Variants in CFAP46 observed in about 807,000 individuals in gnomAD.
The protein encoded by CFAP46 is cilia- and flagella-associated protein 46.
Under a neutral mutation model 325.7 loss-of-function variants are expected in CFAP46, and 245 were observed. The ratio of observed to expected loss-of-function variants is 0.75; its 90% CI spans 0.68 to 0.84. CFAP46 has a LOEUF of 0.84. Ranked by LOEUF, CFAP46 falls within the 40% of genes least tolerant of loss-of-function variation. The pLI, the probability that CFAP46 is intolerant of heterozygous loss-of-function variation, is 0.00. For synonymous variants in CFAP46, 1,523 were observed against 1,495.9 expected, an observed-to-expected ratio of 1.02 and a Z score of -0.42; for missense variants, 3,346 against 3,543.0, an observed-to-expected ratio of 0.94 and a Z score of 1.41.
At chr10:132,833,214 T>G (rs957795972) in intron 50 of CFAP46, 144 bp downstream of exon 50, 1 of 839,358 alleles carries the variant, frequency 1.2e-6, no homozygotes, top group Non-Finnish European at 1.8e-6. Context: ...CCTACAAATA[T>G]CTTTGAATGA....
chr10:132,935,243 C>A (rs1849974142), intron 7 of CFAP46, among the ~76,000 whole-genome samples: 1 of 152,048 alleles, frequency 6.6e-6, no homozygotes, highest in Non-Finnish European at 1.5e-5. Flanking sequence ...CCTCAGATCT[C>A]CTCACTCCCC....
intron 38 of CFAP46, 28 bp from the exon 39 acceptor site, chr10:132,857,816 A>T (rs1229096180): frequency 6.8e-7 from 1 of 1,461,156 alleles, no homozygotes; most frequent in Non-Finnish European, 9.1e-7. Flanking sequence ...ATGGAATTTT[A>T]AAACATTATG....
chr10:132,880,217 C>A (rs61514134), intron 28 of CFAP46, among the ~76,000 whole-genome samples: 3 of 152,222 alleles, frequency 2.0e-5, no homozygotes, highest in Non-Finnish European at 4.4e-5. Context: ...ACTCTCCGTG[C>A]GCACCTGCGC....
chr10:132,885,103 C>A lies in CFAP46; in HGVS notation c.3627G>T (p.Gln1209His). 1 of 1,543,870 alleles carries A rather than the reference C, an allele frequency of 6.5e-7. No homozygotes were observed. The highest frequency in any genetic ancestry group is 2.5e-5 in the East Asian group (1 of 40,744). Residue 1209 changes from glutamine to histidine, a missense_variant and splice_region_variant, in exon 27 of 58, where the codon CAG (glutamine) becomes CAT (histidine). Coordinates refer to ENST00000368586, the MANE Select transcript of CFAP46 (RefSeq NM_001200049.3). The part of the protein sequence containing the change: ...ACYNNAIQAL[Q>H]KPEMEWQKVE... Reference sequence around the variant, plus strand: ...TGCACCCACGCTTACGGCTTCACACCTGCAAGGCCTGGATGGCGTTGTTGT... The same window carrying A: ...TGCACCCACGCTTACGGCTTCACACATGCAAGGCCTGGATGGCGTTGTTGT...
intron 8 of CFAP46, among the ~76,000 whole-genome samples, chr10:132,933,664 G>A (rs570271829): frequency 5.3e-5 from 8 of 152,344 alleles, no homozygotes; most frequent in Non-Finnish European, 8.8e-5. Context: ...CCCCTCCCTC[G>A]AGGAGCCTGC....
At chr10:132,812,753 G>A (rs753342149) in intron 55 of CFAP46, 32 bp downstream of exon 55, 53 of 1,535,740 alleles carry the variant, frequency 3.5e-5, no homozygotes, top group Non-Finnish European at 4.4e-5. Context: ...CTGTGCCCGC[G>A]GGGGAGGGGG....
At chr10:132,859,766 C>T (rs951785594) in intron 37 of CFAP46, among the ~76,000 whole-genome samples, 4 of 152,204 alleles carry the variant, frequency 2.6e-5, no homozygotes, top group African/African-American at 9.6e-5. Flanking sequence ...GGCAGAAATC[C>T]GTGTTGCTGG....
rs1207999965 is a variant in CFAP46, at chr10:132,860,954, T to C, written c.4919A>G (p.Gln1640Arg). 10 of 1,550,674 alleles carry C rather than the reference T, an allele frequency of 6.4e-6. No individual in the cohort carries two copies. Among genetic ancestry groups the C allele is most frequent in the Admixed American group, 2.0e-5 (1 of 51,016 alleles). ...CAACTGTGCGAGGAGGAGCAGGCAC[T>C]GGGCCTCTGCACAAGGCTCATCCAG... The part of the protein sequence containing the change: ...QELDEPCAEA[Q>R]CLLLLAQLAN... Residue 1640 changes from glutamine to arginine, a missense_variant, in exon 36 of 58, where the codon CAG becomes CGG. Coordinates refer to ENST00000368586, the MANE Select transcript of CFAP46 (RefSeq NM_001200049.3).
Position 132,814,377 on chromosome 10 carries a change from C to T in CFAP46, c.7286-123G>A, listed in dbSNP as rs999686970. The T allele has an allele frequency of 9.4e-6, 10 of 1,059,802 alleles. No homozygotes were observed. The Admixed American group carries it at 1.5e-4, about 16-fold the overall frequency. The allele number at this position is 1,059,802 out of a possible 1,614,324, so 65.6% of individuals were successfully genotyped here. A position where few individuals can be genotyped will look rare whatever the true frequency, so the allele number is the denominator to read the frequency against. ...GCATATATCAGTGCCCTGCCATGCC[C>T]GGGTGGGGTGATGGTAGAACCAGGC... On this transcript the variant is annotated intron_variant, in intron 53 of 57. Coordinates refer to ENST00000368586, the MANE Select transcript of CFAP46 (RefSeq NM_001200049.3).
chr10:132,844,265 C>T (rs1390274917), intron 44 of CFAP46, among the ~76,000 whole-genome samples: 1 of 152,126 alleles, frequency 6.6e-6, no homozygotes, highest in Non-Finnish European at 1.5e-5. Context: ...CCTCTCCTGT[C>T]CTGGCTGCAG....
intron 22 of CFAP46, among the ~76,000 whole-genome samples, chr10:132,906,276 C>T (rs1310621761): frequency 6.6e-6 from 1 of 152,246 alleles, no homozygotes; most frequent in Non-Finnish European, 1.5e-5. Context: ...CCTGAGCACT[C>T]GCAGTCTCAC....
At chr10:132,845,312 G>A (rs772516686) in intron 44 of CFAP46, among the ~76,000 whole-genome samples, 7 of 152,212 alleles carry the variant, frequency 4.6e-5, no homozygotes, top group Non-Finnish European at 8.8e-5. Flanking sequence ...GTTCTCAGCC[G>A]GGGCCATGTT....
chr10:132,922,042 C>A, intron 13 of CFAP46, 62 bp downstream of exon 13: 1 of 1,510,606 alleles, frequency 6.6e-7, no homozygotes. Flanking sequence ...GGCCCCGGGG[C>A]AGCCTGGGAG....
chr10:132,846,590 G>A (rs112207320), intron 43 of CFAP46, among the ~76,000 whole-genome samples: 10,227 of 151,474 alleles, frequency 0.068, 803 homozygotes, highest in African/African-American at 0.2. Flanking sequence ...CCTCTGTGAG[G>A]TCCACACGGA....
chr10:132,906,647 CGCGTG>C (rs1849460692), intron 22 of CFAP46, among the ~76,000 whole-genome samples: 5 of 48,844 alleles, frequency 1.0e-4, no homozygotes, highest in South Asian at 9.3e-4. Flanking sequence ...GGGGTCCTGG[CGCGTG>C]ATGCCCCGTC....
intron 50 of CFAP46, among the ~76,000 whole-genome samples, chr10:132,831,428 C>T (rs765725841): frequency 3.9e-4 from 59 of 152,040 alleles, no homozygotes; most frequent in Non-Finnish European, 7.4e-4. Flanking sequence ...GGATGTTAAT[C>T]GATGTACAGA....
intron 5 of CFAP46, among the ~76,000 whole-genome samples, chr10:132,938,289 G>A (rs1015679343): frequency 2.6e-5 from 4 of 152,234 alleles, no homozygotes; most frequent in African/African-American, 4.8e-5. Context: ...AACTAAGATT[G>A]TAAAACCGTG....
At chr10:132,846,033 T>A (rs563109644) in intron 44 of CFAP46, 24 bp downstream of exon 44, 1 of 1,592,014 alleles carries the variant, frequency 6.3e-7, no homozygotes, top group East Asian at 2.2e-5. Context: ...GGGGGCAGGT[T>A]CAGCGGCATC....
rs150315051 is a variant in CFAP46, at chr10:132,908,393, G to C, written c.2924+75C>G. The C allele has an allele frequency of 7.5e-4, 1,129 of 1,509,834 alleles. 22 individuals carry two copies. In the East Asian group the frequency reaches 0.018, roughly 25 times the overall value. The allele number at this position is 1,509,834 out of a possible 1,614,324, so 93.5% of individuals were successfully genotyped here. On this transcript the variant is annotated intron_variant, in intron 22 of 57. Transcript: ENST00000368586. ...CTGGTGGGGCGCTCACCTGCTCCCTGATCTGTGATTGAGGCCCAGGCCTGC... is the reference window on the plus strand; with the variant it reads ...CTGGTGGGGCGCTCACCTGCTCCCTCATCTGTGATTGAGGCCCAGGCCTGC...
Sources: allele counts gnomAD v4.1 joint callset (sites outside exome capture counted in the v4.1 genomes callset), GRCh38; gene constraint gnomAD v4.1.1; transcripts MANE v1.5; gene names NCBI Gene and HGNC (gene_info 2026-07-23, HGNC 2026-07-21).